Variants in YPEL1 observed in about 807,000 individuals in gnomAD.
YPEL1 encodes the protein yippee like 1.
Under a neutral mutation model 17.3 loss-of-function variants are expected in YPEL1, and 7 were observed. That is an observed-to-expected ratio of 0.40 (90% CI 0.23 to 0.76). The LOEUF is 0.76. Ranked by LOEUF, YPEL1 falls within the 30% of genes least tolerant of loss-of-function variation. The pLI is 0.35. For missense variants in YPEL1, 91 were observed against 155.5 expected (o/e 0.59, Z 2.21); for synonymous variants, 59 against 59.6 (o/e 0.99, Z 0.05).
intron 1 of YPEL1, among the ~76,000 whole-genome samples, chr22:21,714,315 G>A (rs972228373): frequency 2.6e-5 from 4 of 152,168 alleles, no homozygotes; most frequent in African/African-American, 9.7e-5. Context: ...TTGGTGCCCC[G>A]GCCTGAGATG....
At chr22:21,727,277 G>A (rs1438036356) in intron 1 of YPEL1, among the ~76,000 whole-genome samples, 1 of 152,250 alleles carries the variant, frequency 6.6e-6, no homozygotes, top group Non-Finnish European at 1.5e-5. Context: ...GTCATGTTAA[G>A]TTTTAACTTG....
At position 21,697,970 on chromosome 22, in the gene YPEL1, A is replaced by G. The variant is rs1195367997; in HGVS notation, c.*3159T>C. ...AAGAATAAGCATTAAGGTATAAAAA[A>G]TACTGTGTGTATAAAACAATGCCAA... On this transcript the variant is annotated 3_prime_UTR_variant, in exon 5 of 5. Transcript: ENST00000339468. 1 of 152,370 alleles carries G rather than the reference A, an allele frequency of 6.6e-6. No individual in the cohort carries two copies. The highest frequency in any genetic ancestry group is 1.5e-5 in the Non-Finnish European group (1 of 68,050). The allele number at this position is 152,370 out of a possible 1,614,324, so 9.4% of individuals were successfully genotyped here.
intron 1 of YPEL1, among the ~76,000 whole-genome samples, chr22:21,715,155 AT>A (rs2068209093): frequency 6.6e-6 from 1 of 152,170 alleles, no homozygotes; most frequent in Non-Finnish European, 1.5e-5. Flanking sequence ...GTACATGTGC[AT>A]TAATGGGTTT....
intron 1 of YPEL1, among the ~76,000 whole-genome samples, chr22:21,721,198 A>G (rs1186556385): frequency 6.6e-6 from 1 of 151,876 alleles, no homozygotes; most frequent in East Asian, 1.9e-4. Context: ...ATCTCAGCTC[A>G]GTGCAACCTC....
chr22:21,721,825 G>A (rs1022945763), intron 1 of YPEL1, among the ~76,000 whole-genome samples: 2 of 152,058 alleles, frequency 1.3e-5, no homozygotes, highest in African/African-American at 2.4e-5. Context: ...TCTAGGGCTC[G>A]TTCATCTTCC....
Position 21,703,900 on chromosome 22 carries a change from C to T in YPEL1, c.118-18G>A, listed in dbSNP as rs752268504. 7.6e-6 allele frequency: 12 copies of T among 1,587,076 alleles called. No homozygotes were observed. The highest frequency in any genetic ancestry group is 5.4e-5 in the Admixed American group (3 of 55,794). On this transcript the variant is annotated intron_variant, in intron 2 of 4. Transcript: ENST00000339468. The surrounding 1 kb of genome is among the most constrained non-coding windows in gnomAD (Gnocchi z 6.1). ...TGAAAGGACTGAAAGAAGAAGGTCC[C>T]GTGAGATTGGCTGCGAGTGCTTTCT...
intron 1 of YPEL1, among the ~76,000 whole-genome samples, chr22:21,732,916 C>T (rs531885267): frequency 2.0e-5 from 3 of 151,970 alleles, no homozygotes; most frequent in African/African-American, 7.2e-5. Context: ...ACCTGGGCAA[C>T]ACAGTGAGAA....
chr22:21,716,537 C>A (rs2068225854), intron 1 of YPEL1, among the ~76,000 whole-genome samples: 2 of 152,282 alleles, frequency 1.3e-5, no homozygotes, highest in Non-Finnish European at 2.9e-5. Flanking sequence ...CATAGGACAG[C>A]CCTCACAGGA....
intron 1 of YPEL1, among the ~76,000 whole-genome samples, chr22:21,734,725 C>A (rs1481050193): frequency 6.6e-6 from 1 of 152,200 alleles, no homozygotes; most frequent in Non-Finnish European, 1.5e-5. Context: ...TGGCACCTGG[C>A]AGGGGCTCAG....
rs185953749 is a variant in YPEL1 at position 21,719,943 on chromosome 22, C to T, written c.-164-9035G>A. 7.4e-5 allele frequency among the ~76,000 whole-genome samples: 11 copies of T among 149,076 alleles called. No homozygotes were observed. The South Asian group carries it at 1.5e-3, about 20-fold the overall frequency. On this transcript the variant is annotated intron_variant, in intron 1 of 4. Coordinates refer to ENST00000339468, the MANE Select transcript of YPEL1 (RefSeq NM_013313.5). ...GGGAGAATCGTTTGAACCTGGGGGG[C>T]GGAGGTTGCAGGGAGCCAAGATCGC... is the stretch of plus-strand genomic sequence containing the variant.
intron 4 of YPEL1, among the ~76,000 whole-genome samples, chr22:21,702,553 G>A (rs1353891495): frequency 6.6e-6 from 1 of 151,944 alleles, no homozygotes; most frequent in Non-Finnish European, 1.5e-5. Context: ...TGTAATCCCA[G>A]CACTTTGGGA....
At chr22:21,716,762 T>G (rs932420797) in intron 1 of YPEL1, among the ~76,000 whole-genome samples, 5 of 152,172 alleles carry the variant, frequency 3.3e-5, no homozygotes, top group Non-Finnish European at 5.9e-5. Context: ...TAACCACACA[T>G]TCACAGAAAC....
At chr22:21,731,173 T>G (rs1420520007) in intron 1 of YPEL1, among the ~76,000 whole-genome samples, 1 of 151,032 alleles carries the variant, frequency 6.6e-6, no homozygotes. Flanking sequence ...AGGTCAGGAG[T>G]TCGAGACCAG....
chr22:21,719,694 G>C (rs923122031), intron 1 of YPEL1, among the ~76,000 whole-genome samples: 1 of 152,102 alleles, frequency 6.6e-6, no homozygotes, highest in Non-Finnish European at 1.5e-5. Flanking sequence ...AGACCAGTCT[G>C]GACAACATGG....
intron 1 of YPEL1, among the ~76,000 whole-genome samples, chr22:21,715,587 A>AT (rs111467006): frequency 1.4e-5 from 2 of 142,514 alleles, no homozygotes; most frequent in African/African-American, 2.6e-5. Context: ...TAGATTTTTT[A>AT]TTTTTTTTAT....
chr22:21,721,915 G>A lies in YPEL1; in HGVS notation c.-164-11007C>T, dbSNP rs559048893. ...AGCCCCTGGCAGCTACCATCCTGAT[G>A]TTTGATTCCATGAATTTGACTTCTC... On this transcript the variant is annotated intron_variant, in intron 1 of 4. Transcript: ENST00000339468. Among the ~76,000 whole-genome samples, 12 of 152,252 alleles carry A rather than the reference G, an allele frequency of 7.9e-5. No homozygotes were observed. In the East Asian group the frequency reaches 2.3e-3, roughly 29 times the overall value.
At chr22:21,726,157 G>A (rs867821109) in intron 1 of YPEL1, among the ~76,000 whole-genome samples, 1 of 152,186 alleles carries the variant, frequency 6.6e-6, no homozygotes, top group African/African-American at 2.4e-5. Context: ...ATGTCCCCAG[G>A]GTCTAGGACC....
rs529727452 is a variant in YPEL1 at position 21,706,390 on chromosome 22, G to A, written c.118-2508C>T. Among the ~76,000 whole-genome samples the A allele has an allele frequency of 3.2e-4, 48 of 150,056 alleles. No homozygotes were observed. In the South Asian group the frequency reaches 7.4e-3, roughly 23 times the overall value. The stretch of plus-strand genomic sequence containing the variant: ...GCAGAGGTTGCAGTGAGCCGAGATC[G>A]CGCCACTGCACTCCAGACTGGGCTA... On this transcript the variant is annotated intron_variant, in intron 2 of 4. Transcript: ENST00000339468.
chr22:21,720,177 C>CAAAAAA (rs1292044683), intron 1 of YPEL1, among the ~76,000 whole-genome samples: 3 of 81,490 alleles, frequency 3.7e-5, no homozygotes, highest in Non-Finnish European at 4.5e-5. Flanking sequence ...GACTCTGTAT[C>CAAAAAA]AAAAAAAAAA....
Sources: gnomAD v4.1 joint callset for allele counts (sites outside exome capture counted in the v4.1 genomes callset) on GRCh38, gnomAD v4.1.1 for gene constraint, Gnocchi (gnomAD v3.1) non-coding constraint, MANE v1.5 for transcripts, NCBI Gene and HGNC (gene_info 2026-07-23, HGNC 2026-07-21) for gene names.